RYR1: variants seen among roughly 807,000 people sequenced by gnomAD.
RYR1 encodes central core disease of muscle.
A neutral mutation model predicts 583.5 loss-of-function variants in RYR1; 342 were observed. The ratio of observed to expected loss-of-function variants is 0.59; its 90% CI spans 0.54 to 0.64. The LOEUF (loss-of-function observed/expected upper bound fraction) is 0.64. Ranked by LOEUF, RYR1 falls within the 30% of genes least tolerant of loss-of-function variation. The probability of loss-of-function intolerance (pLI) is 0.00; values close to 1 mark genes in which losing one functional copy is unlikely to be tolerated. For missense variants in RYR1, 6,032 were observed against 6,917.2 expected, an observed-to-expected ratio of 0.87 and a Z score of 4.54; for synonymous variants, 2,791 against 2,822.5, an observed-to-expected ratio of 0.99 and a Z score of 0.35.
intron 47 of RYR1, among the ~76,000 whole-genome samples, chr19:38,501,452 C>T (rs764849518): frequency 1.3e-5 from 2 of 152,090 alleles, no homozygotes; most frequent in African/African-American, 2.4e-5. Flanking sequence ...GAGCCGAGAT[C>T]GTGCCGCTGC....
rs1200734670 is a variant in RYR1, at chr19:38,483,326, G to A, written c.4744G>A (p.Glu1582Lys). Residue 1582 changes from glutamate to lysine, a missense_variant, in exon 33 of 106, where the codon GAG becomes AAG. This residue lies in a region of RYR1 where 2,627 missense variants were observed against 2,961.3 expected (regional missense o/e 0.89). Coordinates refer to ENST00000359596, the MANE Select transcript of RYR1 (RefSeq NM_000540.3). This position sits in a 1 kb window ranked among gnomAD's most constrained non-coding sequence, Gnocchi z 6.3. ...MPLSAAMFQS[E>K]RKNPAPQCPP... ...GTTGTCAGCCGCCATGTTCCAAAGCGAGCGCAAGAACCCGGCCCCGCAGTG... is the reference window on the plus strand; with the variant it reads ...GTTGTCAGCCGCCATGTTCCAAAGCAAGCGCAAGAACCCGGCCCCGCAGTG... 1.5e-5 allele frequency: 23 copies of A among 1,560,476 alleles called. No individual in the cohort carries two copies. The highest frequency in any genetic ancestry group is 1.6e-5 in the Non-Finnish European group (19 of 1,152,262).
intron 52 of RYR1, 77 bp from the exon 53 acceptor site, chr19:38,505,232 T>C: frequency 8.4e-7 from 1 of 1,193,430 alleles, no homozygotes; most frequent in South Asian, 1.3e-5. Flanking sequence ...GGATTCTCTG[T>C]CCTCGGCTCC....
At position 38,483,716 on chromosome 19, in the gene RYR1, A is replaced by G. The variant is rs1379915548; in HGVS notation, c.4934+200A>G. On this transcript the variant is annotated intron_variant, in intron 33 of 105. Coordinates refer to ENST00000359596, the MANE Select transcript of RYR1 (RefSeq NM_000540.3). This position sits in a 1 kb window ranked among gnomAD's most constrained non-coding sequence, Gnocchi z 6.3. ...CAGGGGGATTCAGACTCAACGCAGG[A>G]GGCTCTACACCATCCCAGTGGACCG... 6.6e-6 allele frequency among the ~76,000 whole-genome samples: 1 copy of G among 151,702 alleles called. No individual in the cohort carries two copies. The highest frequency in any genetic ancestry group is 1.5e-5 in the Non-Finnish European group (1 of 67,886).
chr19:38,518,884 G>A (rs1004850303), intron 66 of RYR1, among the ~76,000 whole-genome samples: 9 of 151,414 alleles, frequency 5.9e-5, no homozygotes, highest in African/African-American at 1.7e-4. Context: ...CCAAGATTGC[G>A]CCATTGCACT....
rs1187770389 is a variant in RYR1, at chr19:38,483,223, C to T, written c.4708-67C>T. 2 of 1,582,034 alleles carry T rather than the reference C, an allele frequency of 1.3e-6. No individual in the cohort carries two copies. Among genetic ancestry groups the T allele is most frequent in the Non-Finnish European group, 1.7e-6 (2 of 1,159,022 alleles). On this transcript the variant is annotated intron_variant, in intron 32 of 105. Coordinates refer to ENST00000359596, the MANE Select transcript of RYR1 (RefSeq NM_000540.3). This position sits in a 1 kb window ranked among gnomAD's most constrained non-coding sequence, Gnocchi z 6.3. ...GGAGGGGGCAATCCAAGAGGTCTCC[C>T]TGGAAGTGGTGTGGTGGGACAGAGG...
At chr19:38,467,586 G>T in intron 24 of RYR1, 24 bp from the exon 25 acceptor site, 1 of 1,613,696 alleles carries the variant, frequency 6.2e-7, no homozygotes, top group South Asian at 1.1e-5. Flanking sequence ...TAGCCTCTCT[G>T]ACTCTGCCTG....
At chr19:38,517,050 A>T (rs1404256614) in intron 65 of RYR1, among the ~76,000 whole-genome samples, 1 of 152,046 alleles carries the variant, frequency 6.6e-6, no homozygotes, top group Admixed American at 6.6e-5. Flanking sequence ...CTTTTGGAGT[A>T]TGCTGTACAG....
chr19:38,476,613 G>A (rs1262948916), intron 29 of RYR1, among the ~76,000 whole-genome samples: 1 of 152,110 alleles, frequency 6.6e-6, no homozygotes, highest in Non-Finnish European at 1.5e-5. Context: ...GATTACAGGT[G>A]TGAGCCACCG....
At chr19:38,482,464 G>T (rs895879765) in intron 31 of RYR1, among the ~76,000 whole-genome samples, 2 of 151,972 alleles carry the variant, frequency 1.3e-5, no homozygotes, top group African/African-American at 4.8e-5. Flanking sequence ...GGAATTTTTT[G>T]TTTTGAGATA....
At chr19:38,570,961 G>T (rs916045149) in intron 94 of RYR1, among the ~76,000 whole-genome samples, 1 of 152,230 alleles carries the variant, frequency 6.6e-6, no homozygotes, top group Non-Finnish European at 1.5e-5. Flanking sequence ...GCTCAGCTCG[G>T]CCACATGCCA....
In RYR1 at chr19:38,433,724, T is replaced by G; in HGVS notation, c.-106T>G. ...ATCTACCTCGCGGGTGCCTCTGGTG[T>G]CTCCAGAGGTCTCCGACCCCAGCCC... On this transcript the variant is annotated 5_prime_UTR_variant, in exon 1 of 106. Transcript: ENST00000359596. The G allele has an allele frequency of 1.2e-6, 1 of 809,288 alleles. No homozygotes were observed. The highest frequency in any genetic ancestry group is 2.6e-5 in the East Asian group (1 of 39,030). 50.1% of individuals were successfully genotyped at this position (809,288 alleles called of 1,614,324 possible). A position where few individuals can be genotyped will look rare whatever the true frequency, so the allele number is the denominator to read the frequency against.
intron 99 of RYR1, among the ~76,000 whole-genome samples, chr19:38,579,567 G>A (rs1432615644): frequency 1.3e-5 from 2 of 150,168 alleles, no homozygotes; most frequent in Non-Finnish European, 3.0e-5. Context: ...TCCAGCCTGG[G>A]TGACAAGTGT....
At chr19:38,572,896 A>G (rs1973784596) in intron 95 of RYR1, among the ~76,000 whole-genome samples, 1 of 133,352 alleles carries the variant, frequency 7.5e-6, no homozygotes, top group Non-Finnish European at 1.6e-5. Flanking sequence ...TCTTCTATCT[A>G]TGCCCCCTAT....
rs752177520 is a variant in RYR1, at chr19:38,473,739, G to A, written c.4128G>A (p.Lys1376=). Residue 1376 remains lysine (K), a synonymous_variant, in exon 28 of 106, where the codon AAG becomes AAA. Transcript: ENST00000359596. The stretch of plus-strand genomic sequence containing the variant: ...AGCCCGCCAGGGCGGAGAATGAGAA[G>A]GATGCCACCACCGAGAAGAACAAGA... The part of the protein sequence containing the change: ...EAQPARAENE[K]DATTEKNKKR... 10 of 1,525,130 alleles carry A rather than the reference G, an allele frequency of 6.6e-6. No individual in the cohort carries two copies. The highest frequency in any genetic ancestry group is 1.8e-4 in the Middle Eastern group (1 of 5,570). 94.5% of individuals were successfully genotyped at this position (1,525,130 alleles called of 1,614,324 possible).
intron 89 of RYR1, among the ~76,000 whole-genome samples, chr19:38,557,810 AAAG>A (rs1972944926): frequency 6.6e-6 from 1 of 151,322 alleles, no homozygotes; most frequent in African/African-American, 2.4e-5. Flanking sequence ...GTCTCAAAAA[AAAG>A]AAATAAAAAT....
chr19:38,539,097 A>G (rs747729207), intron 84 of RYR1, among the ~76,000 whole-genome samples: 1 of 152,134 alleles, frequency 6.6e-6, no homozygotes. Flanking sequence ...TGATTTGTAA[A>G]TATCTTTAAT....
chr19:38,525,618 C>T, intron 71 of RYR1, 116 bp downstream of exon 71: 3 of 1,166,692 alleles, frequency 2.6e-6, no homozygotes, highest in Non-Finnish European at 3.7e-6. Flanking sequence ...CCCTGGGAGC[C>T]TTCCCTTCAG....
chr19:38,502,841 C>G (rs559180124), intron 48 of RYR1, 39 bp from the exon 49 acceptor site: 71 of 1,587,768 alleles, frequency 4.5e-5, no homozygotes, highest in South Asian at 1.1e-4. Context: ...CAGAGCGGGC[C>G]TGGACGGGGG....
chr19:38,501,983 C>T (rs1300158817), intron 47 of RYR1, among the ~76,000 whole-genome samples: 1 of 132,654 alleles, frequency 7.5e-6, no homozygotes, highest in Non-Finnish European at 1.6e-5. Context: ...GAGACCTTAT[C>T]TCAGAAAAAA....
Sources: gnomAD v4.1 joint callset for allele counts (sites outside exome capture counted in the v4.1 genomes callset) on GRCh38, gnomAD v4.1.1 for gene constraint, gnomAD v4.1.1 regional missense constraint, Gnocchi (gnomAD v3.1) non-coding constraint, MANE v1.5 for transcripts, NCBI Gene and HGNC (gene_info 2026-07-23, HGNC 2026-07-21) for gene names.